The following DOCK4 variants were observed in gnomAD, a reference collection of about 807,000 sequenced individuals.
The protein encoded by DOCK4 is dedicator of cytokinesis protein 4.
A neutral mutation model predicts 268.1 loss-of-function variants in DOCK4; 97 were observed. That is an observed-to-expected ratio of 0.36 (90% confidence interval 0.31 to 0.43). The LOEUF (loss-of-function observed/expected upper bound fraction) is 0.43. Among genes scored for constraint, DOCK4 ranks in the 20% least tolerant of loss-of-function variants. The pLI is 1.00. For synonymous variants in DOCK4, 954 were observed against 887.2 expected (o/e 1.08, Z -1.34); for missense variants, 2,145 against 2,455.7 (o/e 0.87, Z 2.67).
At chr7:111,973,349 C>A (rs1007873707) in intron 8 of DOCK4, among the ~76,000 whole-genome samples, 1 of 151,718 alleles carries the variant, frequency 6.6e-6, no homozygotes, top group Non-Finnish European at 1.5e-5. Flanking sequence ...TAGCACTAAC[C>A]CTCCTATTTA....
rs529068310 is a variant in DOCK4, at chr7:112,055,780, C to T, written c.38-51649G>A. Among the ~76,000 whole-genome samples, 105 of 151,746 alleles carry T rather than the reference C, an allele frequency of 6.9e-4. 1 individual carries two copies. In the South Asian group the frequency reaches 0.013, roughly 19 times the overall value. ...CAAATTAGCCAGGTGTGGTGGTGGG[C>T]GCCTGTAAACCCAGCTACTCAGAAG... On this transcript the variant is annotated intron_variant, in intron 1 of 52. Transcript: ENST00000428084.
chr7:112,100,713 C>A (rs773013719), intron 1 of DOCK4, among the ~76,000 whole-genome samples: 1 of 152,192 alleles, frequency 6.6e-6, no homozygotes, highest in Non-Finnish European at 1.5e-5. Context: ...AATTCAAGAA[C>A]CAAACCACAT....
intron 1 of DOCK4, among the ~76,000 whole-genome samples, chr7:112,052,740 C>T (rs1805474960): frequency 1.3e-5 from 2 of 152,132 alleles, no homozygotes; most frequent in Non-Finnish European, 2.9e-5. Context: ...CATCCACTCC[C>T]TCCCACCATC....
intron 42 of DOCK4, among the ~76,000 whole-genome samples, chr7:111,750,197 A>G (rs1245846104): frequency 2.0e-5 from 3 of 152,224 alleles, no homozygotes; most frequent in Non-Finnish European, 4.4e-5. Flanking sequence ...ATGGGAGGAA[A>G]ACATGAAAGT....
At chr7:111,742,257 G>C in intron 44 of DOCK4, 125 bp from the exon 45 acceptor site, 1 of 1,022,330 alleles carries the variant, frequency 9.8e-7, no homozygotes, top group South Asian at 2.9e-5. Context: ...CCTCTGACAA[G>C]GTAGGAACAG....
Position 112,112,207 on chromosome 7 carries a change from A to G in DOCK4, c.37+93895T>C, listed in dbSNP as rs547235542. 5.9e-5 allele frequency among the ~76,000 whole-genome samples: 9 copies of G among 152,188 alleles called. No homozygotes were observed. In the East Asian group the frequency reaches 1.7e-3, roughly 29 times the overall value. ...CCTTCATGAATGGCTTGGTGCCTTCACTGTTGTAATGAGTTCATATGAGAA... is the reference window on the plus strand; with the variant it reads ...CCTTCATGAATGGCTTGGTGCCTTCGCTGTTGTAATGAGTTCATATGAGAA... On this transcript the variant is annotated intron_variant, in intron 1 of 52. Coordinates refer to ENST00000428084, the MANE Select transcript of DOCK4 (RefSeq NM_001363540.2).
intron 1 of DOCK4, among the ~76,000 whole-genome samples, chr7:112,168,593 C>T (rs941690429): frequency 5.9e-5 from 9 of 152,084 alleles, no homozygotes; most frequent in Non-Finnish European, 8.8e-5. Context: ...GGGTCCCAGC[C>T]ACCTGGGAAC....
chr7:111,941,224 G>T (rs534583869), intron 10 of DOCK4, among the ~76,000 whole-genome samples: 1 of 152,132 alleles, frequency 6.6e-6, no homozygotes, highest in Non-Finnish European at 1.5e-5. Flanking sequence ...CTGCTTTTCA[G>T]ATGTGCAAAA....
At chr7:111,730,333 C>T (rs1428044715) in intron 52 of DOCK4, among the ~76,000 whole-genome samples, 2 of 152,190 alleles carry the variant, frequency 1.3e-5, no homozygotes, top group East Asian at 3.8e-4. Flanking sequence ...TCCAAACTTA[C>T]TTGACTATAG....
intron 1 of DOCK4, among the ~76,000 whole-genome samples, chr7:112,008,003 C>T (rs1008237649): frequency 6.6e-6 from 1 of 152,154 alleles, no homozygotes; most frequent in African/African-American, 2.4e-5. Flanking sequence ...AATAATATCA[C>T]GGTTTACCAA....
rs1259301146 is a variant in DOCK4, at chr7:111,916,968, C to G, written c.1067-1064G>C. On this transcript the variant is annotated intron_variant, in intron 12 of 52. Transcript: ENST00000428084. Reference sequence around the variant, plus strand: ...CTTTTATCCCTCACCCACCTCCCACCCTTTCCCCCATGTTTTTTTTTTTTT... The same window carrying G: ...CTTTTATCCCTCACCCACCTCCCACGCTTTCCCCCATGTTTTTTTTTTTTT... 2.0e-5 allele frequency among the ~76,000 whole-genome samples: 3 copies of G among 148,578 alleles called. No homozygotes were observed. In the East Asian group the frequency reaches 5.9e-4, roughly 29 times the overall value.
chr7:111,863,361 A>G lies in DOCK4; in HGVS notation c.2473+11T>C, dbSNP rs1586205174. On this transcript the variant is annotated intron_variant, in intron 23 of 52. Transcript: ENST00000428084. ...TCAGAGGCACAATTTCCTCCAAGAG[A>G]CTCACCCTACCTGGGTTGGTATAAA... 1 of 1,613,900 alleles carries G rather than the reference A, an allele frequency of 6.2e-7. No homozygotes were observed. Among genetic ancestry groups the G allele is most frequent in the Non-Finnish European group, 8.5e-7 (1 of 1,179,868 alleles).
intron 1 of DOCK4, among the ~76,000 whole-genome samples, chr7:112,137,862 G>T (rs1208389452): frequency 6.6e-6 from 1 of 152,116 alleles, no homozygotes; most frequent in East Asian, 1.9e-4. Flanking sequence ...GTAAAACAGG[G>T]CTAACAATAA....
intron 1 of DOCK4, among the ~76,000 whole-genome samples, chr7:112,053,595 C>T (rs1453381550): frequency 6.6e-6 from 1 of 152,146 alleles, no homozygotes; most frequent in Non-Finnish European, 1.5e-5. Flanking sequence ...TTTAAAAGGG[C>T]TCTTTCCAAA....
At chr7:111,935,744 C>G in intron 11 of DOCK4, 116 bp from the exon 12 acceptor site, 1 of 816,932 alleles carries the variant, frequency 1.2e-6, no homozygotes, top group Admixed American at 2.5e-5. Context: ...CTTGAGGTCC[C>G]CATCAACCTG....
At chr7:111,869,941 T>A (rs1806274677) in intron 20 of DOCK4, among the ~76,000 whole-genome samples, 1 of 152,218 alleles carries the variant, frequency 6.6e-6, no homozygotes, top group Non-Finnish European at 1.5e-5. Flanking sequence ...AGAAAAGGAC[T>A]GTGCCCAACC....
chr7:111,730,722 A>G (rs1164499576), intron 52 of DOCK4, among the ~76,000 whole-genome samples: 1 of 152,118 alleles, frequency 6.6e-6, no homozygotes. Context: ...TGTGCCCCCT[A>G]ATGTAACCCA....
At chr7:111,940,063 T>C (rs1232702936) in intron 11 of DOCK4, 47 bp downstream of exon 11, 2 of 1,604,070 alleles carry the variant, frequency 1.2e-6, no homozygotes, top group Non-Finnish European at 8.5e-7. Context: ...AGGACCCACA[T>C]GTACCCCTGT....
At position 111,945,991 on chromosome 7, in the gene DOCK4, C is replaced by T. The variant is rs568208674; in HGVS notation, c.702-193G>A. ...TTCACTTCTGTTAAAACTGGCAAAGCAGCAACTACAAAAGCAGAAAGCACC... is the reference window on the plus strand; with the variant it reads ...TTCACTTCTGTTAAAACTGGCAAAGTAGCAACTACAAAAGCAGAAAGCACC... On this transcript the variant is annotated intron_variant, in intron 8 of 52. Coordinates refer to ENST00000428084, the MANE Select transcript of DOCK4 (RefSeq NM_001363540.2). 2.6e-5 allele frequency among the ~76,000 whole-genome samples: 4 copies of T among 152,302 alleles called. No individual in the cohort carries two copies. The East Asian group carries it at 7.7e-4, about 29-fold the overall frequency.
Sources: gnomAD v4.1 joint callset for allele counts (sites outside exome capture counted in the v4.1 genomes callset) on GRCh38, gnomAD v4.1.1 for gene constraint, MANE v1.5 for transcripts, NCBI Gene and HGNC (gene_info 2026-07-23, HGNC 2026-07-21) for gene names.